ARFIP1: variants seen among roughly 807,000 people sequenced by gnomAD.
ARFIP1 encodes ARF interacting protein 1.
In ARFIP1, 24 loss-of-function variants were observed where a neutral mutation model predicts 42.5. The ratio of observed to expected loss-of-function variants is 0.57; its 90% CI spans 0.41 to 0.80. The LOEUF (loss-of-function observed/expected upper bound fraction) is 0.80. ARFIP1 is among the 30% of genes least tolerant of loss of function. The probability of loss-of-function intolerance (pLI) is 0.00; values close to 1 mark genes in which losing one functional copy is unlikely to be tolerated. For missense variants in ARFIP1, 354 were observed against 434.0 expected (o/e 0.82, Z 1.64); for synonymous variants, 141 against 153.7 (o/e 0.92, Z 0.61).
intron 4 of ARFIP1, among the ~76,000 whole-genome samples, chr4:152,871,224 G>A (rs1438435683): frequency 6.6e-6 from 1 of 152,092 alleles, no homozygotes; most frequent in Non-Finnish European, 1.5e-5. Context: ...CAACAATTAG[G>A]TTGGTTGTTT....
intron 8 of ARFIP1, among the ~76,000 whole-genome samples, chr4:152,889,075 C>T (rs993740158): frequency 1.1e-4 from 16 of 152,126 alleles, no homozygotes; most frequent in African/African-American, 3.9e-4. Context: ...GTGCATTTCA[C>T]ATCCTGTGAA....
chr4:152,898,077 G>C (rs1331563720), intron 8 of ARFIP1, among the ~76,000 whole-genome samples: 7 of 145,040 alleles, frequency 4.8e-5, no homozygotes, highest in Non-Finnish European at 8.9e-5. Flanking sequence ...TCCGCCTCCC[G>C]GGTTCAAGCA....
chr4:152,811,529 T>C (rs755218193), intron 1 of ARFIP1, among the ~76,000 whole-genome samples: 11 of 152,170 alleles, frequency 7.2e-5, no homozygotes, highest in Admixed American at 6.5e-4. Context: ...TGTTCATAGA[T>C]ATCAAAGTAC....
chr4:152,865,669 T>C (rs1224543887), intron 3 of ARFIP1, among the ~76,000 whole-genome samples: 2 of 152,090 alleles, frequency 1.3e-5, no homozygotes, highest in Non-Finnish European at 2.9e-5. Context: ...AGTGTCTTAG[T>C]AGTCATTCTG....
chr4:152,888,836 C>T (rs2149897552), intron 8 of ARFIP1, among the ~76,000 whole-genome samples: 1 of 152,208 alleles, frequency 6.6e-6, no homozygotes, highest in Middle Eastern at 3.4e-3. Context: ...TGAACTGGAC[C>T]AGCTGTAGGT....
At chr4:152,857,037 A>G (rs1486171388) in intron 2 of ARFIP1, among the ~76,000 whole-genome samples, 1 of 152,248 alleles carries the variant, frequency 6.6e-6, no homozygotes, top group African/African-American at 2.4e-5. Flanking sequence ...TCACTTATTC[A>G]GTGAAATGAA....
chr4:152,790,728 C>CTTTTT (rs781615063), intron 1 of ARFIP1, among the ~76,000 whole-genome samples: 105 of 106,054 alleles, frequency 9.9e-4, no homozygotes, highest in South Asian at 2.3e-3. Flanking sequence ...ATGTGTTTAT[C>CTTTTT]TTTTTTTTTT....
chr4:152,886,908 T>C (rs985637976), intron 7 of ARFIP1, among the ~76,000 whole-genome samples: 3 of 152,012 alleles, frequency 2.0e-5, no homozygotes, highest in African/African-American at 7.2e-5. Flanking sequence ...CTCATACTGC[T>C]AAATTCAGTA....
intron 1 of ARFIP1, among the ~76,000 whole-genome samples, chr4:152,801,611 A>C (rs1247539763): frequency 6.6e-6 from 1 of 152,192 alleles, no homozygotes; most frequent in African/African-American, 2.4e-5. Context: ...GCCAAGATAG[A>C]TAGAAGAAAG....
At chr4:152,784,108 A>G (rs1730659175) in intron 1 of ARFIP1, among the ~76,000 whole-genome samples, 1 of 152,236 alleles carries the variant, frequency 6.6e-6, no homozygotes, top group Non-Finnish European at 1.5e-5. Context: ...TAATATGGTT[A>G]TGGATGAAAA....
At chr4:152,822,555 A>T (rs1402050896) in intron 1 of ARFIP1, among the ~76,000 whole-genome samples, 1 of 152,238 alleles carries the variant, frequency 6.6e-6, no homozygotes, top group African/African-American at 2.4e-5. Context: ...TACACTGTAG[A>T]ACAAATAGAT....
chr4:152,801,926 A>G (rs146117443), intron 1 of ARFIP1, among the ~76,000 whole-genome samples: 11 of 152,346 alleles, frequency 7.2e-5, no homozygotes, highest in Admixed American at 6.5e-4. Flanking sequence ...TGAGATGCAA[A>G]GGATAAAAAG....
intron 1 of ARFIP1, among the ~76,000 whole-genome samples, chr4:152,789,974 A>G (rs933917090): frequency 1.3e-5 from 2 of 152,232 alleles, no homozygotes; most frequent in South Asian, 4.1e-4. Flanking sequence ...GAATAGTATT[A>G]GAAACCAATA....
intron 1 of ARFIP1, among the ~76,000 whole-genome samples, chr4:152,782,181 C>G (rs1170443625): frequency 1.3e-5 from 2 of 151,500 alleles, no homozygotes; most frequent in Non-Finnish European, 1.5e-5. Flanking sequence ...TTAAAACCAC[C>G]ACTTAGGCAG....
At chr4:152,898,580 C>T (rs938950343) in intron 8 of ARFIP1, among the ~76,000 whole-genome samples, 12 of 151,944 alleles carry the variant, frequency 7.9e-5, no homozygotes, top group Admixed American at 3.3e-4. Flanking sequence ...AGACTGCCTA[C>T]GGAGAGGCAA....
chr4:152,810,188 C>G (rs887192559), intron 1 of ARFIP1: 14 of 152,154 alleles, frequency 9.2e-5, no homozygotes, highest in Non-Finnish European at 1.9e-4. Context: ...AAAGATTCAG[C>G]TGTACAGAGT....
chr4:152,892,816 C>G (rs977776757), intron 8 of ARFIP1, among the ~76,000 whole-genome samples: 34 of 152,204 alleles, frequency 2.2e-4, no homozygotes, highest in African/African-American at 8.0e-4. Context: ...TTAACCTAAA[C>G]AATCCTTATT....
chr4:152,848,449 C>T (rs1246462289), intron 2 of ARFIP1, among the ~76,000 whole-genome samples: 2 of 152,138 alleles, frequency 1.3e-5, no homozygotes, highest in African/African-American at 4.8e-5. Flanking sequence ...CTTAATTTCC[C>T]TGCATGTGGT....
chr4:152,808,086 T>A (rs1237853132), intron 1 of ARFIP1, among the ~76,000 whole-genome samples: 1 of 152,234 alleles, frequency 6.6e-6, no homozygotes, highest in South Asian at 2.1e-4. Context: ...GTTCAAGTGA[T>A]TCTCCTGCCT....
Sources: allele counts gnomAD v4.1 joint callset (sites outside exome capture counted in the v4.1 genomes callset), GRCh38; gene constraint gnomAD v4.1.1; transcripts MANE v1.5; gene names NCBI Gene and HGNC (gene_info 2026-07-23, HGNC 2026-07-21).